Variants in RUNX2 observed in about 807,000 individuals in gnomAD.
RUNX2 encodes RUNX family transcription factor 2.
RUNX2 carries 10 observed loss-of-function variants against 51.7 expected under a neutral mutation model. The observed-to-expected ratio is 0.19, with a 90% confidence interval of 0.12 to 0.33. The LOEUF (loss-of-function observed/expected upper bound fraction) is 0.33, where lower values mean the gene tolerates loss of function less well. Among genes scored for constraint, RUNX2 ranks in the 10% least tolerant of loss-of-function variants. RUNX2 has a pLI of 1.00. For synonymous variants in RUNX2, 276 were observed against 273.6 expected, an observed-to-expected ratio of 1.01 and a Z score of -0.09; for missense variants, 562 against 691.3, an observed-to-expected ratio of 0.81 and a Z score of 2.10.
intron 2 of RUNX2, among the ~76,000 whole-genome samples, chr6:45,417,927 T>A (rs1798098280): frequency 6.6e-6 from 1 of 152,226 alleles, no homozygotes; most frequent in Non-Finnish European, 1.5e-5. Context: ...CCATGGGCCA[T>A]AGTATGACGA....
intron 7 of RUNX2, among the ~76,000 whole-genome samples, chr6:45,537,122 AC>A (rs1446492834): frequency 6.6e-6 from 1 of 152,144 alleles, no homozygotes; most frequent in Non-Finnish European, 1.5e-5. Context: ...CAATGAGTTT[AC>A]CTAAGGAATA....
intron 2 of RUNX2, among the ~76,000 whole-genome samples, chr6:45,385,001 C>A (rs1252788630): frequency 1.3e-5 from 2 of 152,042 alleles, no homozygotes; most frequent in Non-Finnish European, 2.9e-5. Context: ...CTATGCCCAG[C>A]CTATTTTTTC....
At position 45,376,250 on chromosome 6, in the gene RUNX2, C is replaced by T. The variant is rs537355338; in HGVS notation, c.59-46343C>T. ...TGAACTGCAGTATTTGAATGAAAGG[C>T]ATTATTTGAATATAATTACAATTCC... On this transcript the variant is annotated intron_variant, in intron 2 of 8. Coordinates refer to ENST00000647337, the MANE Select transcript of RUNX2 (RefSeq NM_001024630.4). Among the ~76,000 whole-genome samples the T allele has an allele frequency of 5.3e-5, 8 of 152,280 alleles. No individual in the cohort carries two copies. The East Asian group carries it at 1.5e-3, about 29-fold the overall frequency.
chr6:45,535,690 C>T (rs917646132), intron 7 of RUNX2, among the ~76,000 whole-genome samples: 55 of 151,654 alleles, frequency 3.6e-4, no homozygotes, highest in African/African-American at 1.3e-3. Context: ...TGGGCTAAAG[C>T]AGGAATATAT....
chr6:45,531,018 CAAT>C (rs1489226039), intron 7 of RUNX2, among the ~76,000 whole-genome samples: 28 of 152,178 alleles, frequency 1.8e-4, no homozygotes, highest in Admixed American at 1.8e-3. Context: ...ATTGAAGTAT[CAAT>C]ACTACTATAC....
At chr6:45,333,813 C>T (rs556036370) in intron 2 of RUNX2, among the ~76,000 whole-genome samples, 3 of 151,244 alleles carry the variant, frequency 2.0e-5, no homozygotes, top group Admixed American at 2.0e-4. Context: ...CTTGTTAATA[C>T]TCATAAATCC....
chr6:45,514,688 GCTGTGC>G (rs1384481144), intron 7 of RUNX2, among the ~76,000 whole-genome samples: 3 of 152,160 alleles, frequency 2.0e-5, no homozygotes, highest in Admixed American at 6.5e-5. Context: ...GGGCTGCGGG[GCTGTGC>G]CTGCACACCC....
At chr6:45,496,074 G>T (rs570625346) in intron 6 of RUNX2, among the ~76,000 whole-genome samples, 148 of 152,170 alleles carry the variant, frequency 9.7e-4, no homozygotes, top group African/African-American at 3.3e-3. Flanking sequence ...GTCTCTAGGT[G>T]CCAGGAAACA....
intron 7 of RUNX2, among the ~76,000 whole-genome samples, chr6:45,533,146 G>T (rs1186352358): frequency 6.6e-6 from 1 of 152,060 alleles, no homozygotes; most frequent in Non-Finnish European, 1.5e-5. Flanking sequence ...GTGTGTGTGT[G>T]TGTGTGTGTG....
At chr6:45,525,036 G>A (rs1250852261) in intron 7 of RUNX2, among the ~76,000 whole-genome samples, 2 of 152,124 alleles carry the variant, frequency 1.3e-5, no homozygotes, top group South Asian at 2.1e-4. Context: ...GCTTGAACCC[G>A]GGAGGTGGAG....
intron 6 of RUNX2, among the ~76,000 whole-genome samples, chr6:45,493,650 T>TTA (rs1800553121): frequency 6.8e-6 from 1 of 147,882 alleles, no homozygotes; most frequent in African/African-American, 2.5e-5. Flanking sequence ...TAAATATATG[T>TTA]AAAAAAAAAA....
chr6:45,484,657 T>C (rs893543621), intron 5 of RUNX2, among the ~76,000 whole-genome samples: 1 of 152,200 alleles, frequency 6.6e-6, no homozygotes, highest in African/African-American at 2.4e-5. Flanking sequence ...CTTGTGCTAT[T>C]GCTTTTGCTG....
chr6:45,512,464 G>A, intron 7 of RUNX2, 57 bp downstream of exon 7: 3 of 1,587,312 alleles, frequency 1.9e-6, no homozygotes, highest in Non-Finnish European at 2.6e-6. Context: ...GGGGGAGTGG[G>A]ATGGGCTGAG....
chr6:45,467,281 T>C (rs997541940), intron 5 of RUNX2, among the ~76,000 whole-genome samples: 1 of 152,166 alleles, frequency 6.6e-6, no homozygotes, highest in Non-Finnish European at 1.5e-5. Context: ...ATTTATTTAT[T>C]TATTTACTTT....
chr6:45,485,425 C>G (rs1800244349), intron 5 of RUNX2, among the ~76,000 whole-genome samples: 1 of 151,642 alleles, frequency 6.6e-6, no homozygotes, highest in Non-Finnish European at 1.5e-5. Context: ...TGGTCTCGAA[C>G]TCCCGACCTC....
At chr6:45,452,683 C>T (rs765082104) in intron 5 of RUNX2, among the ~76,000 whole-genome samples, 24 of 152,064 alleles carry the variant, frequency 1.6e-4, no homozygotes, top group Non-Finnish European at 2.4e-4. Context: ...CACATGCACA[C>T]GAGCACAGTG....
At chr6:45,504,039 T>C (rs755513115) in intron 6 of RUNX2, among the ~76,000 whole-genome samples, 1 of 152,138 alleles carries the variant, frequency 6.6e-6, no homozygotes, top group Non-Finnish European at 1.5e-5. Flanking sequence ...CTTTTTTTTC[T>C]CAGATTTCAT....
At chr6:45,483,150 A>C (rs1002978843) in intron 5 of RUNX2, among the ~76,000 whole-genome samples, 1 of 152,194 alleles carries the variant, frequency 6.6e-6, no homozygotes, top group African/African-American at 2.4e-5. Context: ...TTGCATGGCT[A>C]TTAATTTCCA....
chr6:45,523,572 G>T (rs1215786520), intron 7 of RUNX2, among the ~76,000 whole-genome samples: 1 of 151,892 alleles, frequency 6.6e-6, no homozygotes, highest in Non-Finnish European at 1.5e-5. Context: ...CGCCCGGCCT[G>T]CATGATTATT....
Sources: allele counts gnomAD v4.1 joint callset (sites outside exome capture counted in the v4.1 genomes callset), GRCh38; gene constraint gnomAD v4.1.1; transcripts MANE v1.5; gene names NCBI Gene and HGNC (gene_info 2026-07-23, HGNC 2026-07-21).